ZBTB7C: variants seen among roughly 807,000 people sequenced by gnomAD.
The protein encoded by ZBTB7C is zinc finger and BTB domain-containing protein 7C.
In ZBTB7C, 8 loss-of-function variants were observed where a neutral mutation model predicts 25.7. The ratio of observed to expected loss-of-function variants is 0.31; its 90% CI spans 0.18 to 0.56. ZBTB7C has a LOEUF of 0.56. Among genes scored for constraint, ZBTB7C ranks in the 20% least tolerant of loss-of-function variants. The pLI is 0.91. For synonymous variants in ZBTB7C, 394 were observed against 369.0 expected (o/e 1.07, Z -0.78); for missense variants, 824 against 855.2 (o/e 0.96, Z 0.46).
Position 48,078,327 on chromosome 18 carries a change from G to A in ZBTB7C, c.-16-37204C>T, listed in dbSNP as rs113217591. 2.6e-3 allele frequency among the ~76,000 whole-genome samples: 401 copies of A among 152,094 alleles called. 4 individuals carry two copies. The South Asian group carries it at 0.034, about 13-fold the overall frequency. The stretch of plus-strand genomic sequence containing the variant: ...CGAGACACACATGCAAGGCCCCTTT[G>A]GTGGCAGCACAAAGGTGGGAAAGTG... On this transcript the variant is annotated intron_variant, in intron 3 of 4. Transcript: ENST00000590800.
At chr18:48,358,811 C>T (rs1317188058) in intron 1 of ZBTB7C, among the ~76,000 whole-genome samples, 1 of 152,176 alleles carries the variant, frequency 6.6e-6, no homozygotes, top group African/African-American at 2.4e-5. Flanking sequence ...AAAAACATTG[C>T]ACTGTACACT....
intron 3 of ZBTB7C, among the ~76,000 whole-genome samples, chr18:48,179,944 TCCTTC>T (rs2041854383): frequency 2.9e-5 from 1 of 35,058 alleles, no homozygotes; most frequent in Non-Finnish European, 5.6e-5. Flanking sequence ...CTTCCTTCCT[TCCTTC>T]CCTGCTTCCT....
chr18:48,276,311 T>C (rs1158527725), intron 2 of ZBTB7C, among the ~76,000 whole-genome samples: 4 of 151,850 alleles, frequency 2.6e-5, no homozygotes, highest in African/African-American at 9.7e-5. Flanking sequence ...ATTTATTTAT[T>C]TATTATACTT....
At chr18:48,304,841 CAAAAAAAA>C (rs35398428) in intron 2 of ZBTB7C, among the ~76,000 whole-genome samples, 2 of 90,378 alleles carry the variant, frequency 2.2e-5, no homozygotes, top group African/African-American at 4.2e-5. Context: ...GGCTCTACCT[CAAAAAAAA>C]AAAAAAAAAA....
chr18:48,133,663 A>G (rs547887406), intron 3 of ZBTB7C, among the ~76,000 whole-genome samples: 3 of 152,228 alleles, frequency 2.0e-5, no homozygotes, highest in East Asian at 3.9e-4. Flanking sequence ...ACAAAAATTA[A>G]CAAGCACACA....
chr18:48,141,837 C>A (rs761816992), intron 3 of ZBTB7C, among the ~76,000 whole-genome samples: 2 of 152,186 alleles, frequency 1.3e-5, no homozygotes, highest in Non-Finnish European at 2.9e-5. Context: ...GGCTTCCTGT[C>A]CAATCACAGG....
chr18:48,225,472 T>C (rs964213793), intron 2 of ZBTB7C, among the ~76,000 whole-genome samples: 1 of 152,234 alleles, frequency 6.6e-6, no homozygotes, highest in African/African-American at 2.4e-5. Flanking sequence ...AAAGCAGCTC[T>C]GCTTTCGGTA....
At chr18:48,187,968 T>C (rs12960921) in intron 2 of ZBTB7C, among the ~76,000 whole-genome samples, 31,956 of 152,106 alleles carry the variant, frequency 0.21, 3,699 homozygotes, top group South Asian at 0.29. Context: ...GTGGTGATGA[T>C]TGCACAACAG....
At chr18:48,375,556 G>T (rs1231328997) in intron 1 of ZBTB7C, 1 of 152,214 alleles carries the variant, frequency 6.6e-6, no homozygotes, top group African/African-American at 2.4e-5. Flanking sequence ...TTTCTGGGCA[G>T]CTTCTGGATG....
At chr18:48,177,229 G>A (rs774735556) in intron 3 of ZBTB7C, among the ~76,000 whole-genome samples, 1 of 152,114 alleles carries the variant, frequency 6.6e-6, no homozygotes, top group African/African-American at 2.4e-5. Flanking sequence ...TGGTCCCCTC[G>A]CCCTCCTGCT....
chr18:48,221,373 T>C (rs2042951342), intron 2 of ZBTB7C, among the ~76,000 whole-genome samples: 1 of 148,760 alleles, frequency 6.7e-6, no homozygotes, highest in Non-Finnish European at 1.5e-5. Context: ...TAGTCTCCTC[T>C]ACACTGTCCC....
intron 2 of ZBTB7C, among the ~76,000 whole-genome samples, chr18:48,312,902 G>T (rs760900492): frequency 2.0e-5 from 3 of 152,200 alleles, no homozygotes; most frequent in Non-Finnish European, 4.4e-5. Context: ...ACGGGGCAGG[G>T]ATGTCAATAC....
At chr18:48,054,447 C>T (rs2036832868) in intron 3 of ZBTB7C, among the ~76,000 whole-genome samples, 2 of 152,264 alleles carry the variant, frequency 1.3e-5, no homozygotes, top group Non-Finnish European at 1.5e-5. Context: ...GACAGAGTCA[C>T]ATGCCGAGGA....
At chr18:48,304,871 T>G (rs1181317986) in intron 2 of ZBTB7C, among the ~76,000 whole-genome samples, 1 of 143,884 alleles carries the variant, frequency 7.0e-6, no homozygotes, top group Non-Finnish European at 1.5e-5. Flanking sequence ...AAAGATAGCC[T>G]TGTTAGATTT....
chr18:48,144,006 G>A (rs776436267), intron 3 of ZBTB7C, among the ~76,000 whole-genome samples: 7 of 152,162 alleles, frequency 4.6e-5, no homozygotes, highest in Non-Finnish European at 7.3e-5. Context: ...GGCCAGGAGC[G>A]GTGGCTCACA....
intron 3 of ZBTB7C, among the ~76,000 whole-genome samples, chr18:48,146,153 G>A (rs1243066719): frequency 6.6e-6 from 1 of 152,158 alleles, no homozygotes; most frequent in Non-Finnish European, 1.5e-5. Flanking sequence ...TTTGTCTAGT[G>A]TATTGTGAAA....
At chr18:48,246,574 G>A (rs1469416286) in intron 2 of ZBTB7C, among the ~76,000 whole-genome samples, 4 of 151,666 alleles carry the variant, frequency 2.6e-5, no homozygotes, top group East Asian at 3.8e-4. Context: ...GTTGTCTCTC[G>A]CAAATGGAAA....
chr18:48,367,359 TATATATATATATAA>T (rs1371520064), intron 1 of ZBTB7C, among the ~76,000 whole-genome samples: 1 of 133,598 alleles, frequency 7.5e-6, no homozygotes, highest in African/African-American at 2.8e-5. Flanking sequence ...TATATATATA[TATATATATATATAA>T]AATACAAACA....
At chr18:48,258,815 C>T (rs1000940546) in intron 2 of ZBTB7C, among the ~76,000 whole-genome samples, 4 of 152,084 alleles carry the variant, frequency 2.6e-5, no homozygotes, top group Non-Finnish European at 4.4e-5. Context: ...CACACCACCA[C>T]GCTCCACTAA....
Sources: allele counts gnomAD v4.1 joint callset (sites outside exome capture counted in the v4.1 genomes callset), GRCh38; gene constraint gnomAD v4.1.1; transcripts MANE v1.5; gene names NCBI Gene and HGNC (gene_info 2026-07-23, HGNC 2026-07-21).